The following CTNNBL1 variants were observed in gnomAD, a reference collection of about 807,000 sequenced individuals.
The protein encoded by CTNNBL1 is beta-catenin-like protein 1.
In CTNNBL1, 31 loss-of-function variants were observed where a neutral mutation model predicts 72.7. That is an observed-to-expected ratio of 0.43 (90% confidence interval 0.32 to 0.58). The LOEUF is 0.58. Among genes scored for constraint, CTNNBL1 ranks in the 20% least tolerant of loss-of-function variants. The pLI, the probability that CTNNBL1 is intolerant of heterozygous loss-of-function variation, is 0.08. For missense variants in CTNNBL1, 534 were observed against 725.1 expected, an observed-to-expected ratio of 0.74 and a Z score of 3.03; for synonymous variants, 240 against 267.3, an observed-to-expected ratio of 0.90 and a Z score of 1.00.
In CTNNBL1 at chr20:37,842,439, T is replaced by G; in HGVS notation, c.1392+20T>G. 1.9e-6 allele frequency: 3 copies of G among 1,584,364 alleles called. No individual in the cohort carries two copies. In the East Asian group the frequency reaches 6.7e-5, roughly 35 times the overall value. On this transcript the variant is annotated intron_variant, in intron 13 of 15. Coordinates refer to ENST00000361383, the MANE Select transcript of CTNNBL1 (RefSeq NM_030877.5). ...AAACACGTATGTATCCCTGCCTCACTTTTGCCAGCTATTGACTTGCCCTCC... is the reference window on the plus strand; with the variant it reads ...AAACACGTATGTATCCCTGCCTCACGTTTGCCAGCTATTGACTTGCCCTCC...
chr20:37,753,321 CT>C (rs1353089160), intron 4 of CTNNBL1, among the ~76,000 whole-genome samples: 2 of 152,124 alleles, frequency 1.3e-5, no homozygotes, highest in African/African-American at 4.8e-5. Flanking sequence ...GGAGATACCA[CT>C]GAAATATGAT....
chr20:37,734,614 A>G (rs566278271), intron 2 of CTNNBL1, among the ~76,000 whole-genome samples: 5 of 152,214 alleles, frequency 3.3e-5, no homozygotes, highest in Admixed American at 1.3e-4. Context: ...AAAATGACAC[A>G]TGGAAGGCTA....
chr20:37,861,688 G>C (rs1175927619), intron 15 of CTNNBL1, among the ~76,000 whole-genome samples: 2 of 152,232 alleles, frequency 1.3e-5, no homozygotes, highest in Admixed American at 6.5e-5. Context: ...TCTAGGGTCA[G>C]AGGCTTGTGG....
At chr20:37,703,676 C>T (rs2072862224) in intron 1 of CTNNBL1, among the ~76,000 whole-genome samples, 1 of 152,158 alleles carries the variant, frequency 6.6e-6, no homozygotes, top group Non-Finnish European at 1.5e-5. Flanking sequence ...ATCCCCATGG[C>T]CAGCTTTGCA....
intron 5 of CTNNBL1, among the ~76,000 whole-genome samples, chr20:37,760,467 CTAGCACTT>C (rs1432988051): frequency 2.0e-5 from 3 of 152,162 alleles, no homozygotes; most frequent in Non-Finnish European, 4.4e-5. Context: ...ATGTGTTGTT[CTAGCACTT>C]TGTACATTCT....
chr20:37,744,256 G>A (rs1191155628), intron 3 of CTNNBL1, among the ~76,000 whole-genome samples: 1 of 152,174 alleles, frequency 6.6e-6, no homozygotes, highest in Non-Finnish European at 1.5e-5. Context: ...TGTTTGTGAA[G>A]AGGGTAAGGG....
chr20:37,720,646 C>T (rs1411336638), intron 1 of CTNNBL1, among the ~76,000 whole-genome samples: 1 of 152,200 alleles, frequency 6.6e-6, no homozygotes, highest in African/African-American at 2.4e-5. Flanking sequence ...GGTCTGTTGA[C>T]AGCAGCATGA....
intron 1 of CTNNBL1, among the ~76,000 whole-genome samples, chr20:37,719,122 C>T (rs1600442369): frequency 1.3e-5 from 2 of 152,092 alleles, no homozygotes; most frequent in Admixed American, 1.3e-4. Context: ...ATAGATATGG[C>T]CCAGTGTGGT....
chr20:37,819,206 A>G (rs79437140), intron 11 of CTNNBL1, among the ~76,000 whole-genome samples: 3,943 of 152,242 alleles, frequency 0.026, 80 homozygotes, highest in Non-Finnish European at 0.039. Flanking sequence ...AAATGAAGAG[A>G]TGTCTTTTTG....
At position 37,764,409 on chromosome 20, in the gene CTNNBL1, G is replaced by A. The variant is rs140863439; in HGVS notation, c.565-788G>A. On this transcript the variant is annotated intron_variant, in intron 5 of 15. Coordinates refer to ENST00000361383, the MANE Select transcript of CTNNBL1 (RefSeq NM_030877.5). ...ACAGATTGTGCACAGGAGGTAGCAT[G>A]AAGTAGTAAAAGCATTATTTCACCT... 2.5e-3 allele frequency among the ~76,000 whole-genome samples: 388 copies of A among 152,328 alleles called. 3 individuals carry two copies. Among genetic ancestry groups the A allele is most frequent in the South Asian group, 4.6e-3 (22 of 4,826 alleles).
intron 6 of CTNNBL1, among the ~76,000 whole-genome samples, chr20:37,766,974 C>G (rs1328039126): frequency 6.6e-6 from 1 of 152,174 alleles, no homozygotes; most frequent in East Asian, 1.9e-4. Context: ...CTCAGGGTTT[C>G]CTTGCTCCTC....
chr20:37,696,519 C>T (rs572987289), intron 1 of CTNNBL1, among the ~76,000 whole-genome samples: 1 of 138,580 alleles, frequency 7.2e-6, no homozygotes, highest in Non-Finnish European at 1.5e-5. Flanking sequence ...TCTCAGCTGA[C>T]TGCAACCTCT....
intron 7 of CTNNBL1, among the ~76,000 whole-genome samples, chr20:37,775,899 C>A (rs2073569468): frequency 6.6e-6 from 1 of 152,164 alleles, no homozygotes; most frequent in African/African-American, 2.4e-5. Flanking sequence ...GAACCATGGC[C>A]CTTGCAATGC....
At chr20:37,743,144 C>T (rs1185066872) in intron 3 of CTNNBL1, among the ~76,000 whole-genome samples, 1 of 147,454 alleles carries the variant, frequency 6.8e-6, no homozygotes, top group Non-Finnish European at 1.5e-5. Context: ...GCACTCAGCA[C>T]AATTTTTTTT....
chr20:37,826,941 T>C (rs1044648593), intron 11 of CTNNBL1, among the ~76,000 whole-genome samples: 9 of 152,234 alleles, frequency 5.9e-5, no homozygotes, highest in African/African-American at 2.2e-4. Flanking sequence ...ACAAACCATG[T>C]TAAGATACAG....
chr20:37,715,678 T>G (rs1256006386), intron 1 of CTNNBL1, among the ~76,000 whole-genome samples: 1 of 152,264 alleles, frequency 6.6e-6, no homozygotes, highest in Non-Finnish European at 1.5e-5. Context: ...GTATGTTTAC[T>G]GGAATTCTCA....
At chr20:37,860,459 T>G in intron 15 of CTNNBL1, 115 bp downstream of exon 15, 2 of 827,020 alleles carry the variant, frequency 2.4e-6, no homozygotes, top group South Asian at 1.5e-5. Flanking sequence ...ACTGAAAGCT[T>G]AAGTTGTTGT....
chr20:37,818,749 A>G (rs780215627), intron 11 of CTNNBL1, among the ~76,000 whole-genome samples: 3 of 152,230 alleles, frequency 2.0e-5, no homozygotes, highest in Non-Finnish European at 4.4e-5. Flanking sequence ...GCAGCACCAG[A>G]GAAAATGAAT....
intron 10 of CTNNBL1, among the ~76,000 whole-genome samples, chr20:37,801,988 G>C (rs2073827426): frequency 6.6e-6 from 1 of 152,222 alleles, no homozygotes; most frequent in African/African-American, 2.4e-5. Context: ...TAGCAAACGA[G>C]TTTAGCAAGG....
Sources: gnomAD v4.1 joint callset for allele counts (sites outside exome capture counted in the v4.1 genomes callset) on GRCh38, gnomAD v4.1.1 for gene constraint, MANE v1.5 for transcripts, NCBI Gene and HGNC (gene_info 2026-07-23, HGNC 2026-07-21) for gene names.